Variants in DYNC2I2 observed in about 807,000 individuals in gnomAD.
DYNC2I2 encodes the protein dynein 2 intermediate chain 2.
Under a neutral mutation model 52.0 loss-of-function variants are expected in DYNC2I2, and 39 were observed. That is an observed-to-expected ratio of 0.75 (90% confidence interval 0.58 to 0.98). DYNC2I2 has a LOEUF of 0.98. Ranked by LOEUF, DYNC2I2 falls within the 50% of genes least tolerant of loss-of-function variation. DYNC2I2 has a pLI of 0.00. For synonymous variants in DYNC2I2, 359 were observed against 321.1 expected (o/e 1.12, Z -1.26); for missense variants, 743 against 728.4 (o/e 1.02, Z -0.23).
At chr9:128,637,310 G>A (rs1293271434) in intron 2 of DYNC2I2, among the ~76,000 whole-genome samples, 1 of 152,280 alleles carries the variant, frequency 6.6e-6, no homozygotes, top group African/African-American at 2.4e-5. Flanking sequence ...CTCAGGGGCT[G>A]CAGCAGGAAG....
chr9:128,635,559 G>C, intron 5 of DYNC2I2, 99 bp downstream of exon 5: 1 of 1,119,614 alleles, frequency 8.9e-7, no homozygotes, highest in Non-Finnish European at 1.3e-6. Context: ...GGAGGCAGCT[G>C]TCCAACTGCC....
chr9:128,667,756 G>T, the DYNC2I2 span, among the ~76,000 whole-genome samples: 6 of 147,764 alleles, frequency 4.1e-5, no homozygotes, highest in African/African-American at 1.5e-4. Context: ...TTTTTTGAGA[G>T]GGAGTCTCAC....
rs1589427219 is a variant in DYNC2I2, at chr9:128,634,158, CCCAGGTACAAGCAGGGCCCAGACCA to C, written c.1372+43_1372+67del. 1.9e-6 allele frequency: 3 copies of C among 1,598,636 alleles called. No homozygotes were observed. The East Asian group carries it at 6.7e-5, about 36-fold the overall frequency. On this transcript the variant is annotated intron_variant, in intron 8 of 8. Transcript: ENST00000372715. The stretch of plus-strand genomic sequence containing the variant: ...TGTGGTCTTTTCCCCAACCCAGAAC[CCCAGGTACAAGCAGGGCCCAGACCA>C]CCCACCCCTTAAACAGATCCAGGCC...
chr9:128,675,856 C>T, the DYNC2I2 span, among the ~76,000 whole-genome samples: 6 of 152,080 alleles, frequency 3.9e-5, no homozygotes, highest in East Asian at 9.6e-4. Context: ...AGTAACGCCC[C>T]TGGGAGTCCA....
chr9:128,662,904 A>G, the DYNC2I2 span, among the ~76,000 whole-genome samples: 3 of 149,378 alleles, frequency 2.0e-5, no homozygotes, highest in African/African-American at 7.4e-5. Flanking sequence ...TCACAGGTTC[A>G]AGCATTTCTC....
At position 128,634,637 on chromosome 9, in the gene DYNC2I2, C is replaced by T. The variant is rs571164335; in HGVS notation, c.1214+52G>A. 4.3e-4 allele frequency: 634 copies of T among 1,469,850 alleles called. 2 individuals carry two copies. Among genetic ancestry groups the T allele is most frequent in the South Asian group, 2.1e-3 (154 of 73,326 alleles). 91.1% of individuals were successfully genotyped at this position (1,469,850 alleles called of 1,614,324 possible). The stretch of plus-strand genomic sequence containing the variant: ...CATGAGGCTTGGCAGGCTAGAGACC[C>T]GCAGGGCAGGGACACCCTGGCCCCA... On this transcript the variant is annotated intron_variant, in intron 7 of 8. Coordinates refer to ENST00000372715, the MANE Select transcript of DYNC2I2 (RefSeq NM_052844.4).
chr9:128,644,148 TC>T (rs1173547607), intron 1 of DYNC2I2, among the ~76,000 whole-genome samples: 3 of 152,156 alleles, frequency 2.0e-5, no homozygotes, highest in African/African-American at 7.2e-5. Flanking sequence ...ACATCACCTT[TC>T]TTCCTCACAA....
chr9:128,678,404 C>G, the DYNC2I2 span, among the ~76,000 whole-genome samples: 1 of 130,822 alleles, frequency 7.6e-6, no homozygotes, highest in Non-Finnish European at 1.6e-5. Flanking sequence ...TGCAAAAAAA[C>G]TTAATTTTTC....
chr9:128,684,054 G>A, the DYNC2I2 span: 1 of 1,424,428 alleles, frequency 7.0e-7, no homozygotes, highest in Non-Finnish European at 9.7e-7. Context: ...GGATTTGCAA[G>A]GATTGACTCT....
intron 1 of DYNC2I2, among the ~76,000 whole-genome samples, chr9:128,644,682 T>C (rs1284337574): frequency 1.3e-5 from 2 of 152,194 alleles, no homozygotes; most frequent in Non-Finnish European, 2.9e-5. Flanking sequence ...CACGTGTCAC[T>C]GCGCTCTGCT....
At position 128,640,821 on chromosome 9, in the gene DYNC2I2, TGGGACGGGGGCTGCACGCTGACA is replaced by T; in HGVS notation, c.282_304del (p.Ser96Ter). ...GGCTGCGAGCCTGGGTATGTCATAC[TGGGACGGGGGCTGCACGCTGACA>T]GGCACGGGGGCCTCCGTCTGCACCT... On this transcript the variant is annotated frameshift_variant, in exon 2 of 9. Coordinates refer to ENST00000372715, the MANE Select transcript of DYNC2I2 (RefSeq NM_052844.4). LOFTEE classifies it high-confidence loss of function. 6.2e-7 allele frequency: 1 copy of T among 1,614,134 alleles called. No individual in the cohort carries two copies. Among genetic ancestry groups the T allele is most frequent in the Non-Finnish European group, 8.5e-7 (1 of 1,180,014 alleles).
intron 1 of DYNC2I2, among the ~76,000 whole-genome samples, chr9:128,653,718 A>G (rs1051416365): frequency 7.4e-5 from 11 of 148,320 alleles, no homozygotes; most frequent in Non-Finnish European, 1.3e-4. Flanking sequence ...TCTGTCTCCA[A>G]AAAAAAACCC....
intron 4 of DYNC2I2, 66 bp downstream of exon 4, chr9:128,636,215 G>A (rs757150397): frequency 1.9e-6 from 3 of 1,547,580 alleles, no homozygotes; most frequent in Non-Finnish European, 1.7e-6. Context: ...AAGCTCCCTT[G>A]TGCCCTCTGC....
the DYNC2I2 span, among the ~76,000 whole-genome samples, chr9:128,664,957 C>CT: frequency 6.6e-6 from 1 of 151,546 alleles, no homozygotes; most frequent in African/African-American, 2.4e-5. Context: ...GATCCCATCT[C>CT]TTTTTTAACA....
chr9:128,679,969 CT>C, the DYNC2I2 span, among the ~76,000 whole-genome samples: 1 of 152,184 alleles, frequency 6.6e-6, no homozygotes, highest in Admixed American at 6.6e-5. Context: ...CTGGAGTCCC[CT>C]AATGTCTCTT....
intron 2 of DYNC2I2, among the ~76,000 whole-genome samples, chr9:128,639,891 G>C (rs894551459): frequency 2.6e-5 from 4 of 152,004 alleles, no homozygotes; most frequent in Non-Finnish European, 5.9e-5. Context: ...GTCTCGAACT[G>C]CCAACCTCAG....
chr9:128,645,250 CT>C (rs1187556843), intron 1 of DYNC2I2, among the ~76,000 whole-genome samples: 1 of 151,946 alleles, frequency 6.6e-6, no homozygotes, highest in African/African-American at 2.4e-5. Context: ...AATCCCACCA[CT>C]TTGGGAGGCC....
chr9:128,678,985 C>T, the DYNC2I2 span, among the ~76,000 whole-genome samples: 2 of 152,048 alleles, frequency 1.3e-5, no homozygotes, highest in Non-Finnish European at 2.9e-5. Flanking sequence ...AGGAGAATGG[C>T]GTGAACCTGG....
rs1483696802 is a variant in DYNC2I2 at position 128,655,412 on chromosome 9, G to A, written c.186+1129C>T. On this transcript the variant is annotated intron_variant, in intron 1 of 8. Transcript: ENST00000372715. ...TGTAGTCCCAGCTACTAGGGAGGCT[G>A]AGGCAGGAGAATGGCATAAACCCGG... Among the ~76,000 whole-genome samples the A allele has an allele frequency of 4.9e-5, 7 of 143,934 alleles. No homozygotes were observed. In the South Asian group the frequency reaches 1.5e-3, roughly 32 times the overall value. 94.4% of individuals were successfully genotyped at this position (143,934 alleles called of 152,430 possible). A position where few individuals can be genotyped will look rare whatever the true frequency, so the allele number is the denominator to read the frequency against.
Sources: gnomAD v4.1 joint callset for allele counts (sites outside exome capture counted in the v4.1 genomes callset) on GRCh38, gnomAD v4.1.1 for gene constraint, MANE v1.5 for transcripts, NCBI Gene and HGNC (gene_info 2026-07-23, HGNC 2026-07-21) for gene names.